Variants in WWOX observed in about 807,000 individuals in gnomAD.
WWOX encodes WW domain containing oxidoreductase, also known as WW domain-containing oxidoreductase.
WWOX carries 69 observed loss-of-function variants against 46.2 expected under a neutral mutation model. That is an observed-to-expected ratio of 1.49 (90% confidence interval 1.23 to 1.82). WWOX has a LOEUF of 1.82. Among genes scored for constraint, WWOX ranks in the 40% most tolerant of loss-of-function variants. The pLI, the probability that WWOX is intolerant of heterozygous loss-of-function variation, is 0.00. For missense variants in WWOX, 919 were observed against 542.6 expected (o/e 1.69, Z -6.89); for synonymous variants, 359 against 202.6 (o/e 1.77, Z -6.56).
intron 8 of WWOX, among the ~76,000 whole-genome samples, chr16:78,701,002 G>A (rs527862978): frequency 6.6e-6 from 1 of 152,128 alleles, no homozygotes; most frequent in Non-Finnish European, 1.5e-5. Context: ...GAGCTAGGCT[G>A]CCTAGGTTTG....
chr16:78,959,537 A>T (rs969999542), intron 8 of WWOX, among the ~76,000 whole-genome samples: 1 of 152,192 alleles, frequency 6.6e-6, no homozygotes, highest in African/African-American at 2.4e-5. Context: ...CTGTTCATCC[A>T]TTCATCTGTC....
chr16:78,950,678 C>G (rs976023939), intron 8 of WWOX, among the ~76,000 whole-genome samples: 12 of 152,148 alleles, frequency 7.9e-5, no homozygotes, highest in African/African-American at 2.9e-4. Context: ...TTCCTTGGGT[C>G]AGTACTTTCT....
chr16:78,616,429 T>C (rs1192293018), intron 8 of WWOX, among the ~76,000 whole-genome samples: 1 of 152,088 alleles, frequency 6.6e-6, no homozygotes, highest in African/African-American at 2.4e-5. Flanking sequence ...CTTGCTATTT[T>C]CTCAACTAGC....
At chr16:79,085,297 G>T (rs1247911490) in intron 8 of WWOX, among the ~76,000 whole-genome samples, 1 of 152,048 alleles carries the variant, frequency 6.6e-6, no homozygotes, top group African/African-American at 2.4e-5. Flanking sequence ...AATGATGAAG[G>T]AGCTACTGTC....
intron 5 of WWOX, among the ~76,000 whole-genome samples, chr16:78,371,813 T>C (rs543051534): frequency 4.1e-4 from 63 of 152,338 alleles, no homozygotes; most frequent in Middle Eastern, 3.4e-3. Flanking sequence ...TTATCTTTTA[T>C]CTTTAACATT....
At chr16:78,293,256 A>G (rs1253509371) in intron 5 of WWOX, among the ~76,000 whole-genome samples, 1 of 152,226 alleles carries the variant, frequency 6.6e-6, no homozygotes, top group Non-Finnish European at 1.5e-5. Context: ...TGTTGCAAGA[A>G]TTAACAAGGA....
rs554081473 is a variant in WWOX, at chr16:78,263,828, C to G, written c.516+99539C>G. ...ACACCTGCCTCCAATGAAGCCAACT[C>G]TCAGGCTCTAGAAGTCTCTGCCTTG... On this transcript the variant is annotated intron_variant, in intron 5 of 8. Transcript: ENST00000566780. 2.5e-4 allele frequency among the ~76,000 whole-genome samples: 38 copies of G among 152,204 alleles called. 1 individual carries two copies. Among genetic ancestry groups the G allele is most frequent in the Non-Finnish European group, 5.0e-4 (34 of 68,018 alleles).
At chr16:78,245,940 C>G (rs1028881392) in intron 5 of WWOX, among the ~76,000 whole-genome samples, 11 of 152,180 alleles carry the variant, frequency 7.2e-5, no homozygotes, top group South Asian at 2.1e-4. Context: ...CTCTTGCCAC[C>G]TCTGTTCTCG....
At chr16:78,919,154 C>G (rs148462017) in intron 8 of WWOX, among the ~76,000 whole-genome samples, 2 of 152,132 alleles carry the variant, frequency 1.3e-5, no homozygotes, top group African/African-American at 4.8e-5. Context: ...CAATAACCAA[C>G]ATACTTTGAG....
intron 8 of WWOX, among the ~76,000 whole-genome samples, chr16:78,893,080 G>A (rs574334021): frequency 6.6e-6 from 1 of 152,136 alleles, no homozygotes; most frequent in Admixed American, 6.5e-5. Context: ...GGAGTCAGGA[G>A]TTTCCATCTC....
chr16:79,050,780 C>G (rs1048820310), intron 8 of WWOX, among the ~76,000 whole-genome samples: 1 of 152,154 alleles, frequency 6.6e-6, no homozygotes, highest in Non-Finnish European at 1.5e-5. Context: ...TGGGTCGAAC[C>G]TGTTGAAGGC....
intron 8 of WWOX, among the ~76,000 whole-genome samples, chr16:79,019,236 T>TG (rs1348663639): frequency 1.5e-5 from 2 of 130,858 alleles, no homozygotes; most frequent in Non-Finnish European, 3.2e-5. Context: ...CACTTAGCAG[T>TG]GGGGATGCAA....
At chr16:78,928,117 A>C (rs920605420) in intron 8 of WWOX, among the ~76,000 whole-genome samples, 2 of 152,106 alleles carry the variant, frequency 1.3e-5, no homozygotes, top group Admixed American at 6.5e-5. Context: ...ATGTATTTAC[A>C]TAATGTATTC....
chr16:78,802,921 A>C (rs2050928915), intron 8 of WWOX, among the ~76,000 whole-genome samples: 1 of 101,070 alleles, frequency 9.9e-6, no homozygotes, highest in East Asian at 2.4e-4. Flanking sequence ...ATCTGAAAAA[A>C]AAAAAAAAAA....
intron 8 of WWOX, among the ~76,000 whole-genome samples, chr16:78,700,230 C>T (rs2048183818): frequency 2.0e-5 from 3 of 150,768 alleles, no homozygotes; most frequent in Non-Finnish European, 4.4e-5. Context: ...GATGTCAGGG[C>T]ACCAGCATGG....
intron 8 of WWOX, among the ~76,000 whole-genome samples, chr16:78,861,899 A>G (rs754205432): frequency 6.6e-6 from 1 of 152,208 alleles, no homozygotes; most frequent in East Asian, 1.9e-4. Context: ...GTGCAAGGCT[A>G]AAATTGCTTT....
chr16:78,367,050 G>T (rs573888719), intron 5 of WWOX, among the ~76,000 whole-genome samples: 57 of 139,154 alleles, frequency 4.1e-4, no homozygotes, highest in African/African-American at 1.5e-3. Context: ...TGTGATTTCA[G>T]CTCACAGCAA....
chr16:78,781,847 G>C (rs1468808575), intron 8 of WWOX, among the ~76,000 whole-genome samples: 3 of 152,220 alleles, frequency 2.0e-5, no homozygotes, highest in Non-Finnish European at 4.4e-5. Flanking sequence ...GATGGTAGCA[G>C]TTATGAGCAG....
chr16:78,507,246 C>T lies in WWOX; in HGVS notation c.1056+74494C>T, dbSNP rs146545746. On this transcript the variant is annotated intron_variant, in intron 8 of 8. Coordinates refer to ENST00000566780, the MANE Select transcript of WWOX (RefSeq NM_016373.4). ...GACAAGATTAGCAGTAATATATAAACGTAAATAAGAATTTTTTTCCCCAGC... is the reference window on the plus strand; with the variant it reads ...GACAAGATTAGCAGTAATATATAAATGTAAATAAGAATTTTTTTCCCCAGC... 3.2e-3 allele frequency among the ~76,000 whole-genome samples: 486 copies of T among 152,242 alleles called. 1 individual carries two copies. The highest frequency in any genetic ancestry group is 5.5e-3 in the Non-Finnish European group (374 of 68,012).
Sources: allele counts gnomAD v4.1 joint callset (sites outside exome capture counted in the v4.1 genomes callset), GRCh38; gene constraint gnomAD v4.1.1; transcripts MANE v1.5; gene names NCBI Gene and HGNC (gene_info 2026-07-23, HGNC 2026-07-21).